EPC2: variants seen among roughly 807,000 people sequenced by gnomAD.
The protein encoded by EPC2 is enhancer of polycomb homolog 2.
EPC2 carries 14 observed loss-of-function variants against 92.1 expected under a neutral mutation model. The observed-to-expected ratio is 0.15, with a 90% confidence interval of 0.10 to 0.24. EPC2 has a LOEUF of 0.24. Among genes scored for constraint, EPC2 ranks in the 10% least tolerant of loss-of-function variants. EPC2 has a pLI of 1.00. For missense variants in EPC2, 755 were observed against 971.5 expected (o/e 0.78, Z 2.96); for synonymous variants, 340 against 334.7 (o/e 1.02, Z -0.17).
chr2:148,771,075 G>T lies in EPC2; in HGVS notation c.1408G>T (p.Asp470Tyr), dbSNP rs756553008. The T allele has an allele frequency of 6.2e-7, 1 of 1,611,108 alleles. No individual in the cohort carries two copies. The highest frequency in any genetic ancestry group is 8.5e-7 in the Non-Finnish European group (1 of 1,178,590). ...VIMDRISTEH[D>Y]PVLKQIDPEM... ...AATGGACCGAATATCCACAGAACAT[G>T]ACCCAGTCCTGAAACAGATAGACCC... The change falls in exon 10 of 14, where the codon GAC (aspartate) becomes TAC (tyrosine). Residue 470 changes from aspartate (D) to tyrosine (Y), a missense_variant. By Grantham distance (160) the Asp-to-Tyr change is radical. Transcript: ENST00000258484.
chr2:148,769,113 T>C, intron 7 of EPC2, 38 bp from the exon 8 acceptor site: 1 of 1,404,214 alleles, frequency 7.1e-7, no homozygotes, highest in South Asian at 1.2e-5. Context: ...ATCTATTGAC[T>C]TTTGATAACT....
At chr2:148,728,988 C>T (rs1487729548) in intron 2 of EPC2, among the ~76,000 whole-genome samples, 4 of 137,260 alleles carry the variant, frequency 2.9e-5, no homozygotes, top group African/African-American at 1.1e-4. Context: ...GGCAAGATCG[C>T]GCCACTGTAC....
At chr2:148,732,965 T>TC (rs1157528786) in intron 2 of EPC2, among the ~76,000 whole-genome samples, 3 of 147,354 alleles carry the variant, frequency 2.0e-5, no homozygotes, top group Non-Finnish European at 3.0e-5. Context: ...TTTTTTTTTT[T>TC]TCCAGTTAAT....
intron 2 of EPC2, among the ~76,000 whole-genome samples, chr2:148,697,855 A>G (rs944246884): frequency 5.3e-5 from 8 of 152,238 alleles, no homozygotes; most frequent in Admixed American, 2.0e-4. Context: ...AGTCCAACCT[A>G]TCTTTGAAAA....
chr2:148,689,795 G>A (rs547527896), intron 1 of EPC2, among the ~76,000 whole-genome samples: 14 of 152,166 alleles, frequency 9.2e-5, no homozygotes, highest in Middle Eastern at 3.4e-3. Flanking sequence ...TCAGAATTTT[G>A]TACTGTTAAA....
chr2:148,656,034 G>T (rs372150568), intron 1 of EPC2, among the ~76,000 whole-genome samples: 21,753 of 128,284 alleles, frequency 0.17, 2,775 homozygotes, highest in East Asian at 0.52. Flanking sequence ...TGGGGGGGGG[G>T]GGGGTTATTC....
intron 5 of EPC2, 92 bp downstream of exon 5, chr2:148,762,022 G>T: frequency 9.6e-7 from 1 of 1,045,210 alleles, no homozygotes; most frequent in Non-Finnish European, 1.4e-6. Flanking sequence ...AACAGGTTAA[G>T]CTTTATGACA....
Position 148,679,349 on chromosome 2 carries a change from A to T in EPC2, c.154-10865A>T, listed in dbSNP as rs560051553. Among the ~76,000 whole-genome samples the T allele has an allele frequency of 1.9e-4, 29 of 152,316 alleles. No homozygotes were observed. In the South Asian group the frequency reaches 5.6e-3, roughly 29 times the overall value. On this transcript the variant is annotated intron_variant, in intron 1 of 13. Coordinates refer to ENST00000258484, the MANE Select transcript of EPC2 (RefSeq NM_015630.4). The stretch of plus-strand genomic sequence containing the variant: ...ATGATGCCATAACTAAGAGCAAATC[A>T]CCTGTTTCTTGAGTCTTATTTATAA...
Position 148,765,089 on chromosome 2 carries a change from T to A in EPC2, c.1083T>A (p.Asn361Lys). Residue 361 changes from asparagine (N) to lysine (K), a missense_variant, in exon 7 of 14, where the codon AAT becomes AAA. Asn to Lys is a moderately conservative substitution (Grantham distance 94, BLOSUM62 0). Transcript: ENST00000258484. ...QPTPETLPVI[N>K]KSDIKQYDFH... ...CTCCTGAGACATTGCCTGTGATCAA[T>A]AAGAGTGACATTAAGCAATATGATT... The A allele has an allele frequency of 2.2e-5, 35 of 1,607,786 alleles. No homozygotes were observed. Among genetic ancestry groups the A allele is most frequent in the Non-Finnish European group, 3.0e-5 (35 of 1,176,456 alleles).
At chr2:148,770,325 C>T (rs1290935866) in intron 8 of EPC2, among the ~76,000 whole-genome samples, 1 of 152,140 alleles carries the variant, frequency 6.6e-6, no homozygotes, top group Non-Finnish European at 1.5e-5. Flanking sequence ...CAGGCATGAA[C>T]CACTGCATCC....
At chr2:148,688,651 G>A (rs952658573) in intron 1 of EPC2, among the ~76,000 whole-genome samples, 2 of 152,056 alleles carry the variant, frequency 1.3e-5, no homozygotes, top group Admixed American at 1.3e-4. Context: ...AGAACTGTTT[G>A]ACCTCAACAA....
intron 1 of EPC2, among the ~76,000 whole-genome samples, chr2:148,661,325 CATT>C (rs1199097898): frequency 6.6e-6 from 1 of 152,094 alleles, no homozygotes; most frequent in East Asian, 1.9e-4. Flanking sequence ...TCTTCTCTCT[CATT>C]ATACCTTATA....
intron 2 of EPC2, 49 bp downstream of exon 2, chr2:148,690,422 C>T (rs1428485824): frequency 1.4e-6 from 2 of 1,478,122 alleles, no homozygotes; most frequent in African/African-American, 1.4e-5. Flanking sequence ...AATTTATCAA[C>T]CAGTGGAAAT....
intron 2 of EPC2, among the ~76,000 whole-genome samples, chr2:148,723,653 C>T (rs1344266062): frequency 3.3e-5 from 5 of 152,280 alleles, no homozygotes; most frequent in African/African-American, 1.2e-4. Flanking sequence ...TTCTAAGTTT[C>T]TTCTAAGTTT....
intron 1 of EPC2, among the ~76,000 whole-genome samples, chr2:148,676,865 C>CT (rs11387596): frequency 0.74 from 98,173 of 132,602 alleles, 34,866 homozygotes; most frequent in Non-Finnish European, 0.83. Context: ...TTATTACCCA[C>CT]TTTTTTTGGG....
chr2:148,737,155 T>A (rs753997657), intron 2 of EPC2, among the ~76,000 whole-genome samples: 1 of 152,210 alleles, frequency 6.6e-6, no homozygotes, highest in Non-Finnish European at 1.5e-5. Context: ...TGATTTTTGC[T>A]TTTATTTCTT....
chr2:148,735,337 C>T (rs908844862), intron 2 of EPC2, among the ~76,000 whole-genome samples: 4 of 151,940 alleles, frequency 2.6e-5, no homozygotes, highest in Non-Finnish European at 5.9e-5. Context: ...CAATTTTTGT[C>T]AGTTTGATGG....
At chr2:148,677,345 G>A (rs186286189) in intron 1 of EPC2, among the ~76,000 whole-genome samples, 21 of 152,284 alleles carry the variant, frequency 1.4e-4, no homozygotes, top group African/African-American at 4.8e-4. Flanking sequence ...CAAGAAGAGA[G>A]TCATCTGTGA....
chr2:148,652,067 A>G (rs989280497), intron 1 of EPC2, among the ~76,000 whole-genome samples: 6 of 152,166 alleles, frequency 3.9e-5, no homozygotes. Context: ...TTTCCCATTT[A>G]AAGTTCAAAA....
Sources: allele counts gnomAD v4.1 joint callset (sites outside exome capture counted in the v4.1 genomes callset), GRCh38; gene constraint gnomAD v4.1.1; transcripts MANE v1.5; gene names NCBI Gene and HGNC (gene_info 2026-07-23, HGNC 2026-07-21).